The following DENND1A variants were observed in gnomAD, a reference collection of about 807,000 sequenced individuals.
DENND1A encodes the protein DENN domain-containing protein 1A.
Under a neutral mutation model 113.7 loss-of-function variants are expected in DENND1A, and 51 were observed. That is an observed-to-expected ratio of 0.45 (90% confidence interval 0.36 to 0.57). The LOEUF (loss-of-function observed/expected upper bound fraction) is 0.57, where lower values mean the gene tolerates loss of function less well. Among genes scored for constraint, DENND1A ranks in the 20% least tolerant of loss-of-function variants. The pLI is 0.00. For missense variants in DENND1A, 1,258 were observed against 1,395.9 expected (o/e 0.90, Z 1.57); for synonymous variants, 565 against 570.8 (o/e 0.99, Z 0.14).
At position 123,390,890 on chromosome 9, in the gene DENND1A, C is replaced by T. The variant is rs558733084; in HGVS notation, c.1632-3032G>A. ...TCCGACACCTATCCAAGCACGGGCC[C>T]CCACCTCTGGCTCTGACAAGAGAGC... is the stretch of plus-strand genomic sequence containing the variant. On this transcript the variant is annotated intron_variant, in intron 21 of 23. Coordinates refer to ENST00000394215, the MANE Select transcript of DENND1A (RefSeq NM_001352964.2). Among the ~76,000 whole-genome samples, 7 of 152,384 alleles carry T rather than the reference C, an allele frequency of 4.6e-5. No individual in the cohort carries two copies. In the South Asian group the frequency reaches 8.3e-4, roughly 18 times the overall value.
rs1327998649 is a variant in DENND1A, at chr9:123,380,872, T to G, written c.*560A>C. On this transcript the variant is annotated 3_prime_UTR_variant, in exon 24 of 24. Coordinates refer to ENST00000394215, the MANE Select transcript of DENND1A (RefSeq NM_001352964.2). ...GAAGACACAGGAAAGAACGTGTGTGTATATTGCTAGAAACAGTCTGGAAGT... is the reference window on the plus strand; with the variant it reads ...GAAGACACAGGAAAGAACGTGTGTGGATATTGCTAGAAACAGTCTGGAAGT... The G allele has an allele frequency of 6.4e-6, 1 of 156,138 alleles. No individual in the cohort carries two copies. Among genetic ancestry groups the G allele is most frequent in the Non-Finnish European group, 1.4e-5 (1 of 70,332 alleles). 9.7% of individuals were successfully genotyped at this position (156,138 alleles called of 1,614,324 possible). A position where few individuals can be genotyped will look rare whatever the true frequency, so the allele number is the denominator to read the frequency against.
At chr9:123,597,230 A>G (rs990377873) in intron 11 of DENND1A, among the ~76,000 whole-genome samples, 2 of 152,222 alleles carry the variant, frequency 1.3e-5, no homozygotes, top group Non-Finnish European at 2.9e-5. Flanking sequence ...CAATTTAACA[A>G]GCACGCTGAA....
At position 123,906,316 on chromosome 9, in the gene DENND1A, A is replaced by T. The variant is rs1013359872; in HGVS notation, c.17+23573T>A. Among the ~76,000 whole-genome samples the T allele has an allele frequency of 6.4e-4, 87 of 135,732 alleles. 1 individual carries two copies. The highest frequency in any genetic ancestry group is 9.9e-4 in the Non-Finnish European group (66 of 66,552). The allele number at this position is 135,732 out of a possible 152,430, so 89.0% of individuals were successfully genotyped here. A position where few individuals can be genotyped will look rare whatever the true frequency, so the allele number is the denominator to read the frequency against. On this transcript the variant is annotated intron_variant, in intron 1 of 23. Coordinates refer to ENST00000394215, the MANE Select transcript of DENND1A (RefSeq NM_001352964.2). ...AAAAGAACTAGAAAAGCAAGAGCAA[A>T]CACATTCAAAAGATAGAAGAAGGCA...
chr9:123,803,194 T>G (rs1405898371), intron 2 of DENND1A, among the ~76,000 whole-genome samples: 1 of 152,184 alleles, frequency 6.6e-6, no homozygotes, highest in Non-Finnish European at 1.5e-5. Context: ...GGGGTCCATT[T>G]TCATAGCTGT....
chr9:123,793,250 G>T (rs1778894), intron 2 of DENND1A, among the ~76,000 whole-genome samples: 18,138 of 152,036 alleles, frequency 0.12, 1,408 homozygotes, highest in African/African-American at 0.22. Context: ...AATTAAACTT[G>T]CTCAGAAACT....
chr9:123,646,183 T>C (rs539784374), intron 9 of DENND1A, among the ~76,000 whole-genome samples: 5 of 152,342 alleles, frequency 3.3e-5, no homozygotes, highest in Admixed American at 2.6e-4. Flanking sequence ...TTCTGAGAGC[T>C]ATGCAAGTAT....
chr9:123,818,190 C>T (rs1207009302), intron 2 of DENND1A, among the ~76,000 whole-genome samples: 3 of 151,708 alleles, frequency 2.0e-5, no homozygotes, highest in Admixed American at 1.3e-4. Context: ...CTGCAAGCTC[C>T]GCCTCCCAGG....
chr9:123,798,235 T>G (rs1834065584), intron 2 of DENND1A: 1 of 152,188 alleles, frequency 6.6e-6, no homozygotes, highest in African/African-American at 2.4e-5. Flanking sequence ...AATAACATTA[T>G]TCAAGGAAAG....
At chr9:123,586,737 A>C (rs2136906894) in intron 11 of DENND1A, among the ~76,000 whole-genome samples, 1 of 152,314 alleles carries the variant, frequency 6.6e-6, no homozygotes, top group Admixed American at 6.5e-5. Flanking sequence ...GAATGAAGAA[A>C]GGCAAGAAAA....
At chr9:123,707,684 G>A (rs1300478684) in intron 5 of DENND1A, among the ~76,000 whole-genome samples, 1 of 152,164 alleles carries the variant, frequency 6.6e-6, no homozygotes, top group East Asian at 1.9e-4. Flanking sequence ...AGGGGTGGTG[G>A]GAGTGGAAGC....
At chr9:123,787,735 T>C (rs539813575) in intron 3 of DENND1A, among the ~76,000 whole-genome samples, 3 of 152,262 alleles carry the variant, frequency 2.0e-5, no homozygotes, top group Non-Finnish European at 2.9e-5. Context: ...TAACTGCCTA[T>C]AGTGAAATTT....
At chr9:123,896,134 T>C (rs997183927) in intron 1 of DENND1A, among the ~76,000 whole-genome samples, 1 of 151,408 alleles carries the variant, frequency 6.6e-6, no homozygotes, top group African/African-American at 2.4e-5. Context: ...CCCAGCTCCA[T>C]CAGGAAAAAA....
At chr9:123,568,620 C>A (rs1452037164) in intron 12 of DENND1A, among the ~76,000 whole-genome samples, 1 of 152,150 alleles carries the variant, frequency 6.6e-6, no homozygotes, top group African/African-American at 2.4e-5. Flanking sequence ...TAATGAAGAG[C>A]TTGGTGTTTA....
chr9:123,633,400 CAA>C (rs1426013629), intron 9 of DENND1A, among the ~76,000 whole-genome samples: 1 of 152,308 alleles, frequency 6.6e-6, no homozygotes, highest in East Asian at 1.9e-4. Context: ...ACTCACAGTA[CAA>C]AGACAGTTTA....
chr9:123,609,237 C>T (rs1374927604), intron 11 of DENND1A, among the ~76,000 whole-genome samples, 199 bp downstream of exon 11: 7 of 152,172 alleles, frequency 4.6e-5, no homozygotes, highest in Non-Finnish European at 8.8e-5. Flanking sequence ...CACAGTCTCT[C>T]GGCAAAGTGG....
chr9:123,506,595 A>AAC (rs2052968175), intron 13 of DENND1A, among the ~76,000 whole-genome samples: 1 of 151,238 alleles, frequency 6.6e-6, no homozygotes, highest in Non-Finnish European at 1.5e-5. Flanking sequence ...AAAAAAAAAA[A>AAC]AAAAAAAAAG....
chr9:123,401,267 T>G (rs1457787196), intron 21 of DENND1A: 1 of 156,774 alleles, frequency 6.4e-6, no homozygotes, highest in Non-Finnish European at 1.4e-5. Flanking sequence ...TCCTGCCAGC[T>G]GGAGCTGATG....
intron 11 of DENND1A, among the ~76,000 whole-genome samples, chr9:123,590,425 C>T (rs1225691948): frequency 1.3e-5 from 2 of 152,176 alleles, no homozygotes; most frequent in Non-Finnish European, 2.9e-5. Flanking sequence ...TCTAATTAAT[C>T]TCTACCATCC....
At chr9:123,407,227 C>A (rs1313907709) in intron 20 of DENND1A, among the ~76,000 whole-genome samples, 3 of 152,018 alleles carry the variant, frequency 2.0e-5, no homozygotes, top group Non-Finnish European at 4.4e-5. Flanking sequence ...GAAAGACACG[C>A]CAGACCCAGA....
Sources: allele counts gnomAD v4.1 joint callset (sites outside exome capture counted in the v4.1 genomes callset), GRCh38; gene constraint gnomAD v4.1.1; transcripts MANE v1.5; gene names NCBI Gene and HGNC (gene_info 2026-07-23, HGNC 2026-07-21).